The following RBFOX1 variants were observed in gnomAD, a reference collection of about 807,000 sequenced individuals.
The protein encoded by RBFOX1 is RNA binding protein fox-1 homolog 1.
In RBFOX1, 8 loss-of-function variants were observed where a neutral mutation model predicts 57.7. The ratio of observed to expected loss-of-function variants is 0.14; its 90% CI spans 0.08 to 0.25. The LOEUF (loss-of-function observed/expected upper bound fraction) is 0.25. Among genes scored for constraint, RBFOX1 ranks in the 10% least tolerant of loss-of-function variants. The pLI is 1.00. For synonymous variants in RBFOX1, 326 were observed against 222.4 expected, an observed-to-expected ratio of 1.47 and a Z score of -4.15; for missense variants, 611 against 548.5, an observed-to-expected ratio of 1.11 and a Z score of -1.14.
At chr16:6,371,639 G>C (rs1343710784) in intron 2 of RBFOX1, among the ~76,000 whole-genome samples, 2 of 152,230 alleles carry the variant, frequency 1.3e-5, no homozygotes, top group Admixed American at 6.5e-5. Context: ...TTTTTCCACA[G>C]AGTAATCCTT....
chr16:5,777,320 C>T (rs1470361111), intron 3 of RBFOX1, among the ~76,000 whole-genome samples: 1 of 152,212 alleles, frequency 6.6e-6, no homozygotes, highest in African/African-American at 2.4e-5. Flanking sequence ...ACCCTGCTGC[C>T]TTCTTCTGAA....
intron 6 of RBFOX1, among the ~76,000 whole-genome samples, chr16:7,580,188 A>T (rs1183594796): frequency 6.6e-6 from 1 of 152,180 alleles, no homozygotes; most frequent in East Asian, 1.9e-4. Flanking sequence ...ACAAATTCCT[A>T]GATGACCCAC....
At chr16:5,745,616 C>G (rs1439374030) in intron 3 of RBFOX1, among the ~76,000 whole-genome samples, 1 of 152,298 alleles carries the variant, frequency 6.6e-6, no homozygotes, top group East Asian at 1.9e-4. Flanking sequence ...TGTTTCCTGA[C>G]TTTTTAATGA....
intron 4 of RBFOX1, among the ~76,000 whole-genome samples, chr16:7,182,160 G>C (rs1054839313): frequency 3.3e-5 from 5 of 152,204 alleles, no homozygotes; most frequent in Non-Finnish European, 7.4e-5. Flanking sequence ...AGGTATCTTT[G>C]ACCTAGTTAC....
At chr16:7,272,556 G>A (rs536276044) in intron 4 of RBFOX1, among the ~76,000 whole-genome samples, 1 of 152,232 alleles carries the variant, frequency 6.6e-6, no homozygotes, top group South Asian at 2.1e-4. Context: ...AATATTTATA[G>A]GCAACTATCA....
In RBFOX1 at chr16:5,831,719, GC is replaced by G. The variant is rs982085750; in HGVS notation, c.319-35582del. Among the ~76,000 whole-genome samples, 67 of 152,096 alleles carry G rather than the reference GC, an allele frequency of 4.4e-4. 1 individual carries two copies. The highest frequency in any genetic ancestry group is 1.6e-3 in the African/African-American group (65 of 41,478). On this transcript the variant is annotated intron_variant, in intron 3 of 19. Transcript: ENST00000641259. The stretch of plus-strand genomic sequence containing the variant: ...GGAGAGGCTGGGATTACAGGTGTGA[GC>G]CACTGCACCTAGCCTAAACCTCTTT...
intron 1 of RBFOX1, among the ~76,000 whole-genome samples, chr16:5,296,728 G>C (rs1195537319): frequency 6.6e-6 from 1 of 151,120 alleles, no homozygotes; most frequent in Admixed American, 6.6e-5. Context: ...ATCCAGGCTG[G>C]AGTGCAGTGG....
chr16:7,371,487 C>A (rs183175448), intron 4 of RBFOX1, among the ~76,000 whole-genome samples: 1 of 152,162 alleles, frequency 6.6e-6, no homozygotes, highest in African/African-American at 2.4e-5. Context: ...CGGTGGCTCA[C>A]GCCTGTAATC....
chr16:5,966,856 A>C (rs574024028), intron 4 of RBFOX1, among the ~76,000 whole-genome samples: 2 of 151,948 alleles, frequency 1.3e-5, no homozygotes, highest in Admixed American at 6.6e-5. Flanking sequence ...TGGAAGTGCA[A>C]TTCATGCCTC....
intron 1 of RBFOX1, among the ~76,000 whole-genome samples, chr16:6,021,168 T>C (rs534679033): frequency 1.3e-5 from 2 of 152,194 alleles, no homozygotes; most frequent in Admixed American, 1.3e-4. Flanking sequence ...AAACATCATG[T>C]CTCCTAACTT....
intron 3 of RBFOX1, among the ~76,000 whole-genome samples, chr16:5,627,442 AG>A (rs777211185): frequency 6.6e-6 from 1 of 152,102 alleles, no homozygotes; most frequent in Non-Finnish European, 1.5e-5. Flanking sequence ...TGTGTCCCAA[AG>A]GGGGAAAATA....
intron 3 of RBFOX1, among the ~76,000 whole-genome samples, chr16:6,820,796 A>C (rs1701173222): frequency 6.6e-6 from 1 of 152,202 alleles, no homozygotes; most frequent in South Asian, 2.1e-4. Context: ...AAGGCCTGTG[A>C]ATGAGCACAG....
intron 4 of RBFOX1, among the ~76,000 whole-genome samples, chr16:7,347,503 G>T (rs1039421291): frequency 6.6e-6 from 1 of 152,144 alleles, no homozygotes; most frequent in African/African-American, 2.4e-5. Flanking sequence ...TGACACGTGG[G>T]AATCGTGGGA....
intron 13 of RBFOX1, among the ~76,000 whole-genome samples, chr16:7,671,165 A>C (rs889373901): frequency 2.0e-5 from 3 of 152,250 alleles, no homozygotes; most frequent in Non-Finnish European, 4.4e-5. Context: ...ATAATAAGGC[A>C]TTCATCTTAA....
intron 4 of RBFOX1, among the ~76,000 whole-genome samples, chr16:5,868,932 T>C (rs1412833598): frequency 1.3e-5 from 2 of 152,232 alleles, no homozygotes; most frequent in African/African-American, 4.8e-5. Flanking sequence ...ATGCACCATT[T>C]ATTTATAATT....
At chr16:6,210,050 G>A (rs1034587359) in intron 1 of RBFOX1, among the ~76,000 whole-genome samples, 7 of 151,988 alleles carry the variant, frequency 4.6e-5, no homozygotes, top group African/African-American at 1.7e-4. Context: ...AGGCATGATG[G>A]CTCATGCCTG....
chr16:7,387,446 CT>C (rs1163242458), intron 4 of RBFOX1, among the ~76,000 whole-genome samples: 1 of 152,168 alleles, frequency 6.6e-6, no homozygotes, highest in African/African-American at 2.4e-5. Context: ...TCATATACCC[CT>C]GTCTTCCAAA....
intron 3 of RBFOX1, among the ~76,000 whole-genome samples, chr16:6,774,414 A>C (rs1022070275): frequency 1.3e-5 from 2 of 152,176 alleles, no homozygotes; most frequent in Non-Finnish European, 2.9e-5. Context: ...AATTTCTAAA[A>C]CTGGGACTCT....
chr16:6,345,320 T>C (rs2085210654), intron 2 of RBFOX1, among the ~76,000 whole-genome samples: 1 of 152,214 alleles, frequency 6.6e-6, no homozygotes, highest in Non-Finnish European at 1.5e-5. Flanking sequence ...CTATAGGCAG[T>C]GTGCCCAGAG....
Sources: allele counts gnomAD v4.1 joint callset (sites outside exome capture counted in the v4.1 genomes callset), GRCh38; gene constraint gnomAD v4.1.1; transcripts MANE v1.5; gene names NCBI Gene and HGNC (gene_info 2026-07-23, HGNC 2026-07-21).